Variants in LOC400499 observed in about 807,000 individuals in gnomAD.
At chr16:11,459,322 G>C in the LOC400499 span, among the ~76,000 whole-genome samples, 1 of 148,010 alleles carries the variant, frequency 6.8e-6, no homozygotes, top group Non-Finnish European at 1.5e-5. Flanking sequence ...TCAGCCTCCC[G>C]AGTAGCTGGG....
At chr16:11,423,305 G>C in the LOC400499 span, 1 of 398,018 alleles carries the variant, frequency 2.5e-6, no homozygotes, top group Non-Finnish European at 4.4e-6. Flanking sequence ...CCTGACCCCA[G>C]AGTGAACCGT....
chr16:11,417,335 C>T, the LOC400499 span, among the ~76,000 whole-genome samples: 5 of 152,174 alleles, frequency 3.3e-5, no homozygotes, highest in African/African-American at 9.7e-5. Flanking sequence ...CAGTAATCCC[C>T]TGCCTCAGCC....
chr16:11,511,000 T>C, the LOC400499 span, among the ~76,000 whole-genome samples: 1 of 150,678 alleles, frequency 6.6e-6, no homozygotes, highest in Admixed American at 6.6e-5. Context: ...AATGATGATT[T>C]TCTTTTTTTT....
the LOC400499 span, among the ~76,000 whole-genome samples, chr16:11,377,637 C>T: frequency 6.6e-6 from 1 of 152,234 alleles, no homozygotes; most frequent in African/African-American, 2.4e-5. Context: ...ACCATCTTTG[C>T]ATTCCAGGAA....
At chr16:11,446,468 G>C in the LOC400499 span, 1 of 1,313,196 alleles carries the variant, frequency 7.6e-7, no homozygotes, top group South Asian at 1.3e-5. Context: ...CAGATAACAT[G>C]TTTTCAATCC....
the LOC400499 span, among the ~76,000 whole-genome samples, chr16:11,405,180 T>C: frequency 1.3e-5 from 2 of 152,106 alleles, no homozygotes; most frequent in African/African-American, 4.8e-5. Context: ...TCCTAGAAAA[T>C]GGAGGCCAGA....
chr16:11,417,418 G>A, the LOC400499 span, among the ~76,000 whole-genome samples: 20,714 of 152,170 alleles, frequency 0.14, 1,703 homozygotes, highest in African/African-American at 0.24. Context: ...GCCATCCAGT[G>A]TGTGGGACTT....
At chr16:11,377,255 A>T in the LOC400499 span, among the ~76,000 whole-genome samples, 1 of 152,324 alleles carries the variant, frequency 6.6e-6, no homozygotes, top group South Asian at 2.1e-4. Flanking sequence ...TATTTCATGC[A>T]GTGTTCAGGA....
At chr16:11,505,456 T>C in the LOC400499 span, among the ~76,000 whole-genome samples, 2 of 134,688 alleles carry the variant, frequency 1.5e-5, no homozygotes, top group South Asian at 2.5e-4. Flanking sequence ...TTTTTTTTTT[T>C]TTTTTTTTTT....
the LOC400499 span, among the ~76,000 whole-genome samples, chr16:11,407,968 C>CTCTTT: frequency 5.2e-5 from 6 of 116,196 alleles, no homozygotes; most frequent in African/African-American, 1.7e-4. Flanking sequence ...TGTTCCAGAG[C>CTCTTT]TGTTTTTTTT....
At chr16:11,519,839 G>A in the LOC400499 span, among the ~76,000 whole-genome samples, 5 of 151,782 alleles carry the variant, frequency 3.3e-5, no homozygotes, top group Admixed American at 1.3e-4. Flanking sequence ...CTGAGTAGCT[G>A]GGATTACAGG....
the LOC400499 span, among the ~76,000 whole-genome samples, chr16:11,382,266 TTTCATCCTCCC>T: frequency 6.6e-6 from 1 of 152,228 alleles, no homozygotes; most frequent in African/African-American, 2.4e-5. Flanking sequence ...GATCCTCTTA[TTTCATCCTCCC>T]TTTGTCATAT....
chr16:11,427,288 C>T, the LOC400499 span, among the ~76,000 whole-genome samples: 15 of 128,422 alleles, frequency 1.2e-4, no homozygotes, highest in Admixed American at 9.6e-5. Context: ...GCAGAGGTTG[C>T]GGTAAGCTGA....
chr16:11,431,852 T>C, the LOC400499 span, among the ~76,000 whole-genome samples: 2 of 152,312 alleles, frequency 1.3e-5, no homozygotes, highest in Non-Finnish European at 2.9e-5. Flanking sequence ...TCCTCTCCCT[T>C]TGAATCAGGA....
At chr16:11,496,065 T>C in the LOC400499 span, among the ~76,000 whole-genome samples, 1 of 103,680 alleles carries the variant, frequency 9.6e-6, no homozygotes, top group Non-Finnish European at 2.2e-5. Flanking sequence ...CCTAGCTCTG[T>C]CCTTTTTTTT....
the LOC400499 span, chr16:11,384,265 G>C: frequency 8.1e-7 from 1 of 1,232,338 alleles, no homozygotes; most frequent in Non-Finnish European, 1.0e-6. Context: ...AGAGCCATCC[G>C]GCAACATCAG....
At chr16:11,422,605 A>T in the LOC400499 span, among the ~76,000 whole-genome samples, 1 of 152,194 alleles carries the variant, frequency 6.6e-6, no homozygotes. Context: ...CTGCTACTCC[A>T]TATAGGTCAA....
At chr16:11,385,477 G>A in the LOC400499 span, 1 of 1,124,418 alleles carries the variant, frequency 8.9e-7, no homozygotes, top group Non-Finnish European at 1.1e-6. Flanking sequence ...CGCAGTAGGA[G>A]CCCAATGCCT....
chr16:11,435,969 C>T, the LOC400499 span: 3 of 398,110 alleles, frequency 7.5e-6, no homozygotes, highest in Non-Finnish European at 1.3e-5. Flanking sequence ...CCCTCCTGAG[C>T]CACTCCAACT....
Sources: allele counts gnomAD v4.1 joint callset (sites outside exome capture counted in the v4.1 genomes callset), GRCh38; gene constraint gnomAD v4.1.1; transcripts MANE v1.5.